STEAP1: variants seen among roughly 807,000 people sequenced by gnomAD.
STEAP1 encodes STEAP family member 1.
A neutral mutation model predicts 34.4 loss-of-function variants in STEAP1; 30 were observed. The observed-to-expected ratio is 0.87, with a 90% CI of 0.65 to 1.18. STEAP1 has a LOEUF of 1.18. Ranked by LOEUF, STEAP1 falls within the 50% of genes most tolerant of loss-of-function variation. STEAP1 has a pLI of 0.00. For synonymous variants in STEAP1, 116 were observed against 135.3 expected, an observed-to-expected ratio of 0.86 and a Z score of 0.99; for missense variants, 318 against 391.1, an observed-to-expected ratio of 0.81 and a Z score of 1.58.
chr7:90,162,518 AG>A (rs754261408), intron 4 of STEAP1, among the ~76,000 whole-genome samples: 11 of 151,886 alleles, frequency 7.2e-5, no homozygotes, highest in Non-Finnish European at 1.5e-4. Flanking sequence ...TAGTAGAGAC[AG>A]GGTTTTCCCA....
At chr7:90,159,177 A>T (rs1203553872) in intron 1 of STEAP1, among the ~76,000 whole-genome samples, 2 of 152,214 alleles carry the variant, frequency 1.3e-5, no homozygotes, top group African/African-American at 4.8e-5. Flanking sequence ...TGACCAGAAG[A>T]CTGGGCACAT....
chr7:90,155,980 T>C (rs1023371476), intron 1 of STEAP1, among the ~76,000 whole-genome samples: 1 of 152,212 alleles, frequency 6.6e-6, no homozygotes, highest in African/African-American at 2.4e-5. Flanking sequence ...TCCTCTAGGA[T>C]ACATCGCTCT....
chr7:90,161,348 T>A, intron 3 of STEAP1, 31 bp downstream of exon 3: 1 of 1,572,086 alleles, frequency 6.4e-7, no homozygotes, highest in Non-Finnish European at 8.6e-7. Flanking sequence ...CTGTTACTAA[T>A]AAAAAGTCTA....
chr7:90,163,082 G>T, intron 4 of STEAP1: 1 of 380,000 alleles, frequency 2.6e-6, no homozygotes, highest in Non-Finnish European at 6.0e-6. Flanking sequence ...TACCGTTTAT[G>T]GGTAGACATC....
In STEAP1 at chr7:90,161,133, T is replaced by C. The variant is rs137931598; in HGVS notation, c.413T>C (p.Ile138Thr). 2.6e-5 allele frequency: 42 copies of C among 1,613,858 alleles called. No individual in the cohort carries two copies. In the African/African-American group the frequency reaches 4.9e-4, roughly 19 times the overall value. The change falls in exon 3 of 5, where the codon ATT (isoleucine) becomes ACT (threonine). Residue 138 changes from isoleucine (I) to threonine (T), a missense_variant. Coordinates refer to ENST00000297205, the MANE Select transcript of STEAP1 (RefSeq NM_012449.3). Reference protein sequence around the residue: ...LVYLPGVIAAIVQLHNGTKYK... With the variant: ...LVYLPGVIAATVQLHNGTKYK... ...TACCTGCCAGGTGTGATAGCAGCAA[T>C]TGTCCAACTTCATAATGGAACCAAG...
Position 90,160,955 on chromosome 7 carries a change from G to T in STEAP1, c.235G>T (p.Ala79Ser). 6.2e-7 allele frequency: 1 copy of T among 1,613,994 alleles called. No individual in the cohort carries two copies. The highest frequency in any genetic ancestry group is 8.5e-7 in the Non-Finnish European group (1 of 1,179,862). ...PQWHLPIKIAAIIASLTFLYT... is the reference protein window; with the variant it reads ...PQWHLPIKIASIIASLTFLYT... The stretch of plus-strand genomic sequence containing the variant: ...GTGGCACTTGCCAATTAAAATAGCT[G>T]CTATTATAGCATCTCTGACTTTTCT... The change falls in exon 3 of 5, where the codon GCT (alanine) becomes TCT (serine). Residue 79 changes from alanine (A) to serine (S), a missense_variant. Physicochemically the swap from Ala to Ser is moderately conservative, Grantham distance 99. Coordinates refer to ENST00000297205, the MANE Select transcript of STEAP1 (RefSeq NM_012449.3).
intron 1 of STEAP1, among the ~76,000 whole-genome samples, chr7:90,158,405 TTTTG>T (rs1794140299): frequency 2.0e-5 from 3 of 152,224 alleles, no homozygotes; most frequent in Non-Finnish European, 2.9e-5. Flanking sequence ...ATACAAAATA[TTTTG>T]TTTATGTACT....
chr7:90,162,041 G>C lies in STEAP1; in HGVS notation c.725G>C (p.Ser242Thr). The stretch of plus-strand genomic sequence containing the variant: ...GCTGTGACATCTATTCCATCTGTGA[G>C]TGACTCTTTGACATGGAGAGAATTT... Reference protein sequence around the residue: ...LLAVTSIPSVSDSLTWREFHY... With the variant: ...LLAVTSIPSVTDSLTWREFHY... Residue 242 changes from serine (S) to threonine (T), a missense_variant, in exon 4 of 5, where the codon AGT becomes ACT. By Grantham distance (58) the Ser-to-Thr change is moderately conservative (BLOSUM62 1). Transcript: ENST00000297205. 1 of 1,612,976 alleles carries C rather than the reference G, an allele frequency of 6.2e-7. No individual in the cohort carries two copies. The highest frequency in any genetic ancestry group is 1.1e-5 in the South Asian group (1 of 90,814).
intron 1 of STEAP1, among the ~76,000 whole-genome samples, chr7:90,155,342 A>C (rs1404907209): frequency 1.3e-5 from 2 of 152,218 alleles, no homozygotes; most frequent in Non-Finnish European, 2.9e-5. Context: ...TTGGAAATGC[A>C]ATGCAACCCA....
intron 1 of STEAP1, among the ~76,000 whole-genome samples, chr7:90,159,249 A>G (rs1036431592): frequency 1.4e-4 from 22 of 152,188 alleles, no homozygotes; most frequent in Admixed American, 8.5e-4. Context: ...CATCTTCCAA[A>G]CAAGCACCAA....
rs1385375414 is a variant in STEAP1, at chr7:90,164,715, A to C, written c.1001A>C (p.Glu334Ala). ...WEDVTKINKT[E>A]ICSQL Reference sequence around the variant, plus strand: ...GACGTCACCAAAATTAACAAAACTGAGATATGTTCCCAGTTGTAGAATTAC... The same window carrying C: ...GACGTCACCAAAATTAACAAAACTGCGATATGTTCCCAGTTGTAGAATTAC... The change falls in exon 5 of 5, where the codon GAG (glutamate) becomes GCG (alanine). Residue 334 changes from glutamate to alanine, a missense_variant. Physicochemically the swap from Glu to Ala is moderately radical, Grantham distance 107 (BLOSUM62 -1). Transcript: ENST00000297205. 6.2e-7 allele frequency: 1 copy of C among 1,612,342 alleles called. No individual in the cohort carries two copies. The highest frequency in any genetic ancestry group is 8.5e-7 in the Non-Finnish European group (1 of 1,179,352).
At chr7:90,160,081 G>A (rs1794164351) in intron 2 of STEAP1, among the ~76,000 whole-genome samples, 1 of 151,924 alleles carries the variant, frequency 6.6e-6, no homozygotes, top group African/African-American at 2.4e-5. Flanking sequence ...GGACTTAGCT[G>A]AATAACCTTG....
rs750805517 is a variant in STEAP1, at chr7:90,164,570, T to C, written c.856T>C (p.Tyr286His). The C allele has an allele frequency of 1.2e-6, 2 of 1,613,828 alleles. No individual in the cohort carries two copies. Among genetic ancestry groups the C allele is most frequent in the Non-Finnish European group, 8.5e-7 (1 of 1,179,836 alleles). Reference sequence around the variant, plus strand: ...GATAGATATAAAACAATTTGTATGGTATACACCTCCAACTTTTATGATAGC... The same window carrying C: ...GATAGATATAAAACAATTTGTATGGCATACACCTCCAACTTTTATGATAGC... ...KWIDIKQFVW[Y>H]TPPTFMIAVF... The change falls in exon 5 of 5, where the codon TAT becomes CAT. Residue 286 changes from tyrosine to histidine, a missense_variant. Transcript: ENST00000297205.
rs1162660230 is a variant in STEAP1, at chr7:90,160,880, G to C, written c.160G>C (p.Glu54Gln). 1.2e-6 allele frequency: 2 copies of C among 1,614,012 alleles called. No individual in the cohort carries two copies. The highest frequency in any genetic ancestry group is 2.7e-5 in the African/African-American group (2 of 75,060). ...TTTGCACCAAACAGCCCATGCTGAT[G>C]AATTTGACTGCCCTTCAGAACTTCA... is the stretch of plus-strand genomic sequence containing the variant. ...LHLHQTAHADEFDCPSELQHT... is the reference protein window; with the variant it reads ...LHLHQTAHADQFDCPSELQHT... The change falls in exon 3 of 5, where the codon GAA becomes CAA. Residue 54 changes from glutamate (E) to glutamine (Q), a missense_variant. By Grantham distance (29) the Glu-to-Gln change is conservative. Transcript: ENST00000297205.
rs372007990 is a variant in STEAP1 at position 90,159,776 on chromosome 7, T to C, written c.-13T>C. 4.1e-4 allele frequency: 623 copies of C among 1,515,100 alleles called. No individual in the cohort carries two copies. The highest frequency in any genetic ancestry group is 5.4e-4 in the Non-Finnish European group (613 of 1,132,002). The allele number at this position is 1,515,100 out of a possible 1,614,324, so 93.9% of individuals were successfully genotyped here. On this transcript the variant is annotated 5_prime_UTR_variant, in exon 2 of 5. Transcript: ENST00000297205. ...TTTACAGGTGGCTGAAGCCATACTA[T>C]TTTATAGAATTAATGGAAAGCAGAA...
intron 3 of STEAP1, 146 bp downstream of exon 3, chr7:90,161,463 A>T: frequency 9.5e-7 from 1 of 1,053,612 alleles, no homozygotes; most frequent in Non-Finnish European, 1.3e-6. Flanking sequence ...TATTATAATT[A>T]CACTAGGGCT....
At chr7:90,155,049 A>G (rs1408257427) in intron 1 of STEAP1, among the ~76,000 whole-genome samples, 2 of 152,138 alleles carry the variant, frequency 1.3e-5, no homozygotes, top group African/African-American at 4.8e-5. Context: ...GTTCCCTCCA[A>G]AATAGTCAAT....
chr7:90,157,101 A>G (rs1794127576), intron 1 of STEAP1, among the ~76,000 whole-genome samples: 1 of 152,084 alleles, frequency 6.6e-6, no homozygotes, highest in South Asian at 2.1e-4. Flanking sequence ...GTTCATAAAT[A>G]CTTGATGATT....
Position 90,161,950 on chromosome 7 carries a change from G to C in STEAP1, c.634G>C (p.Asp212His), listed in dbSNP as rs1794192123. Residue 212 changes from aspartate (D) to histidine (H), a missense_variant, in exon 4 of 5, where the codon GAT (aspartate) becomes CAT (histidine). Coordinates refer to ENST00000297205, the MANE Select transcript of STEAP1 (RefSeq NM_012449.3). ...TAAAGAAGATGCCTGGATTGAGCAT[G>C]ATGTTTGGAGAATGGAGATTTATGT... ...QNKEDAWIEH[D>H]VWRMEIYVSL... 6.2e-7 allele frequency: 1 copy of C among 1,613,400 alleles called. No individual in the cohort carries two copies. Among genetic ancestry groups the C allele is most frequent in the Non-Finnish European group, 8.5e-7 (1 of 1,179,700 alleles).
Sources: gnomAD v4.1 joint callset for allele counts (sites outside exome capture counted in the v4.1 genomes callset) on GRCh38, gnomAD v4.1.1 for gene constraint, MANE v1.5 for transcripts, NCBI Gene and HGNC (gene_info 2026-07-23, HGNC 2026-07-21) for gene names.